NTM: variants seen among roughly 807,000 people sequenced by gnomAD.
NTM encodes IgLON family member 2.
NTM carries 13 observed loss-of-function variants against 42.1 expected under a neutral mutation model. That is an observed-to-expected ratio of 0.31 (90% CI 0.20 to 0.49). NTM has a LOEUF of 0.49. Among genes scored for constraint, NTM ranks in the 20% least tolerant of loss-of-function variants. The pLI, the probability that NTM is intolerant of heterozygous loss-of-function variation, is 0.99. For synonymous variants in NTM, 187 were observed against 179.2 expected, an observed-to-expected ratio of 1.04 and a Z score of -0.35; for missense variants, 373 against 452.8, an observed-to-expected ratio of 0.82 and a Z score of 1.60.
At chr11:131,472,838 T>C (rs1295903969) in intron 1 of NTM, among the ~76,000 whole-genome samples, 1 of 152,138 alleles carries the variant, frequency 6.6e-6, no homozygotes, top group Non-Finnish European at 1.5e-5. Flanking sequence ...GCCTCATGCC[T>C]GTCTGACTCC....
intron 4 of NTM, among the ~76,000 whole-genome samples, chr11:132,304,628 G>A (rs1436858254): frequency 6.6e-6 from 1 of 152,122 alleles, no homozygotes; most frequent in Non-Finnish European, 1.5e-5. Context: ...ATTTTGTTAT[G>A]TGTAAACTGA....
intron 1 of NTM, among the ~76,000 whole-genome samples, chr11:131,857,415 T>C (rs1319267618): frequency 6.6e-6 from 1 of 152,126 alleles, no homozygotes; most frequent in African/African-American, 2.4e-5. Flanking sequence ...TCCAGACATC[T>C]CTCCAGCTTC....
At chr11:132,094,903 A>T (rs1184485239) in intron 2 of NTM, among the ~76,000 whole-genome samples, 1 of 152,088 alleles carries the variant, frequency 6.6e-6, no homozygotes, top group African/African-American at 2.4e-5. Context: ...AGAAGTTGTG[A>T]TGCTTATTCA....
In NTM at chr11:132,027,485, C is replaced by A. The variant is rs960081311; in HGVS notation, c.167+115837C>A. Among the ~76,000 whole-genome samples the A allele has an allele frequency of 1.4e-4, 21 of 152,340 alleles. 1 individual carries two copies. Among genetic ancestry groups the A allele is most frequent in the African/African-American group, 5.0e-4 (21 of 41,586 alleles). On this transcript the variant is annotated intron_variant, in intron 2 of 8. Transcript: ENST00000683400. ...TCTGAGAAAGTCTTAATTTCTCTTT[C>A]ACCTTTGACGAATAATTTTGCTGGA...
intron 2 of NTM, among the ~76,000 whole-genome samples, chr11:131,989,421 G>A (rs901161985): frequency 5.9e-5 from 9 of 151,958 alleles, no homozygotes; most frequent in East Asian, 5.8e-4. Context: ...GTGATATTGC[G>A]GTAATAGTTA....
At chr11:131,766,703 G>GTT (rs1034043571) in intron 1 of NTM, among the ~76,000 whole-genome samples, 1 of 152,102 alleles carries the variant, frequency 6.6e-6, no homozygotes, top group East Asian at 1.9e-4. Context: ...CCTTCCTTGG[G>GTT]TTATATATAT....
At chr11:131,835,251 A>G (rs773332088) in intron 1 of NTM, among the ~76,000 whole-genome samples, 11 of 152,192 alleles carry the variant, frequency 7.2e-5, no homozygotes, top group Non-Finnish European at 1.2e-4. Flanking sequence ...TGTGTGTTGT[A>G]TGTGTACCCT....
intron 1 of NTM, among the ~76,000 whole-genome samples, chr11:131,863,559 C>A (rs557380939): frequency 1.1e-4 from 16 of 152,202 alleles, no homozygotes; most frequent in Non-Finnish European, 2.1e-4. Context: ...TAGTCGAATG[C>A]AAAGGCCATG....
intron 1 of NTM, among the ~76,000 whole-genome samples, chr11:131,549,159 G>A (rs2054318971): frequency 6.6e-6 from 1 of 152,134 alleles, no homozygotes; most frequent in African/African-American, 2.4e-5. Context: ...GGGGAAGAAA[G>A]CTGTATCTTT....
chr11:131,456,817 C>T (rs375751499), intron 1 of NTM, among the ~76,000 whole-genome samples: 27 of 151,986 alleles, frequency 1.8e-4, no homozygotes, highest in African/African-American at 5.3e-4. Flanking sequence ...CTTATATGGA[C>T]GGATCTCTGC....
chr11:131,445,897 T>C lies in NTM; in HGVS notation c.82+75009T>C, dbSNP rs548441338. 9.8e-5 allele frequency among the ~76,000 whole-genome samples: 15 copies of C among 152,338 alleles called. No homozygotes were observed. In the East Asian group the frequency reaches 2.9e-3, roughly 29 times the overall value. On this transcript the variant is annotated intron_variant, in intron 1 of 8. Coordinates refer to ENST00000683400, the MANE Select transcript of NTM (RefSeq NM_001352005.2). ...TAACGGTGCTCATTAATTGACATAC[T>C]GTCTATGGCTGCTTCTTCCCTACAA...
At chr11:132,211,998 T>C in intron 3 of NTM, 24 bp from the exon 4 acceptor site, 1 of 1,601,338 alleles carries the variant, frequency 6.2e-7, no homozygotes, top group Non-Finnish European at 8.5e-7. Flanking sequence ...GGATTTTTAT[T>C]TTCATTCTGT....
chr11:132,278,246 A>T (rs1228078658), intron 4 of NTM, among the ~76,000 whole-genome samples: 1 of 152,194 alleles, frequency 6.6e-6, no homozygotes, highest in Non-Finnish European at 1.5e-5. Context: ...TAAACCAATC[A>T]TTGTATTATG....
chr11:132,026,323 T>C (rs1034399196), intron 2 of NTM, among the ~76,000 whole-genome samples: 2 of 152,208 alleles, frequency 1.3e-5, no homozygotes, highest in African/African-American at 4.8e-5. Flanking sequence ...TAAATGCCCC[T>C]GGCTTTCCAC....
At chr11:132,096,066 A>T (rs2060941649) in intron 2 of NTM, among the ~76,000 whole-genome samples, 1 of 152,162 alleles carries the variant, frequency 6.6e-6, no homozygotes, top group African/African-American at 2.4e-5. Flanking sequence ...TCTCTGACAG[A>T]GTGCAGTCAA....
chr11:131,401,747 T>C (rs560081693), intron 1 of NTM, among the ~76,000 whole-genome samples: 8 of 134,274 alleles, frequency 6.0e-5, no homozygotes, highest in Non-Finnish European at 1.1e-4. Context: ...CATTGAAAAC[T>C]TCTTCATTAC....
At chr11:131,754,153 G>A (rs1203960465) in intron 1 of NTM, among the ~76,000 whole-genome samples, 1 of 134,070 alleles carries the variant, frequency 7.5e-6, no homozygotes, top group Non-Finnish European at 1.6e-5. Flanking sequence ...GAGGGGGAAG[G>A]GATAGCATTT....
intron 1 of NTM, among the ~76,000 whole-genome samples, chr11:131,832,594 A>G (rs1352549029): frequency 2.6e-5 from 4 of 152,158 alleles, no homozygotes; most frequent in African/African-American, 9.7e-5. Context: ...GAGGCAGCTT[A>G]GTGTAGGTTA....
At chr11:132,133,658 G>A (rs1201889462) in intron 2 of NTM, among the ~76,000 whole-genome samples, 1 of 152,130 alleles carries the variant, frequency 6.6e-6, no homozygotes, top group East Asian at 1.9e-4. Context: ...AGCACCTTAA[G>A]AGCATGTCTG....
Sources: gnomAD v4.1 joint callset for allele counts (sites outside exome capture counted in the v4.1 genomes callset) on GRCh38, gnomAD v4.1.1 for gene constraint, MANE v1.5 for transcripts, NCBI Gene and HGNC (gene_info 2026-07-23, HGNC 2026-07-21) for gene names.